Variants in DOCK7 observed in about 807,000 individuals in gnomAD.
DOCK7 encodes the protein dedicator of cytokinesis protein 7.
DOCK7 carries 138 observed loss-of-function variants against 271.0 expected under a neutral mutation model. That is an observed-to-expected ratio of 0.51 (90% CI 0.44 to 0.59). The LOEUF is 0.59. DOCK7 is among the 20% of genes least tolerant of loss of function. The pLI is 0.00. For missense variants in DOCK7, 2,066 were observed against 2,592.4 expected (o/e 0.80, Z 4.41); for synonymous variants, 823 against 876.1 (o/e 0.94, Z 1.07).
chr1:62,676,546 G>GT (rs892208929), intron 1 of DOCK7, among the ~76,000 whole-genome samples: 31 of 151,428 alleles, frequency 2.0e-4, no homozygotes, highest in African/African-American at 6.1e-4. Context: ...ATAAAGCTGG[G>GT]TTTTTTTTTC....
intron 1 of DOCK7, among the ~76,000 whole-genome samples, chr1:62,674,683 A>G (rs1660356176): frequency 6.6e-6 from 1 of 152,192 alleles, no homozygotes; most frequent in Non-Finnish European, 1.5e-5. Flanking sequence ...TTTTTTGACA[A>G]TGGTGCCAAG....
chr1:62,475,268 G>A lies in DOCK7; in HGVS notation c.6045C>T (p.Pro2015=), dbSNP rs202231787. 524 of 1,613,950 alleles carry A rather than the reference G, an allele frequency of 3.2e-4. 4 individuals carry two copies. The highest frequency in any genetic ancestry group is 2.5e-3 in the South Asian group (228 of 91,062). ...CCATCTGAAGCATTTTGGGGTCTGC[G>A]GGATCCTGATGTGTTGCAAATGCCA... ...QELAFATHQD[P]ADPKMLQMVL... Residue 2015 remains proline, a synonymous_variant, in exon 47 of 50, where the codon CCC becomes CCT. Transcript: ENST00000635253.
intron 7 of DOCK7, among the ~76,000 whole-genome samples, chr1:62,645,365 A>T (rs1413408945): frequency 6.6e-6 from 1 of 152,124 alleles, no homozygotes; most frequent in East Asian, 1.9e-4. Context: ...GGTAGTACTG[A>T]CACATGTTAC....
chr1:62,551,252 G>A (rs1045867561), intron 22 of DOCK7, among the ~76,000 whole-genome samples: 5 of 152,002 alleles, frequency 3.3e-5, no homozygotes, highest in African/African-American at 1.2e-4. Context: ...AAGATTGCAG[G>A]GGTGTCCAAT....
rs1377233150 is a variant in DOCK7, at chr1:62,653,812, T to C, written c.321-19A>G. 2.6e-6 allele frequency: 4 copies of C among 1,552,512 alleles called. No homozygotes were observed. The highest frequency in any genetic ancestry group is 4.5e-5 in the East Asian group (2 of 44,548). ...CATTTCACTATTTTAAAAAGGAAAA[T>C]ACATTTGTAATTTAGACGGGACAGC... On this transcript the variant is annotated intron_variant, in intron 3 of 49. Transcript: ENST00000635253.
intron 49 of DOCK7, among the ~76,000 whole-genome samples, chr1:62,456,575 T>C (rs1165263145): frequency 1.3e-5 from 2 of 152,114 alleles, no homozygotes; most frequent in Non-Finnish European, 2.9e-5. Context: ...TGCCTACATA[T>C]GTTAAAAACT....
At chr1:62,596,747 G>T (rs1267991059) in intron 14 of DOCK7, among the ~76,000 whole-genome samples, 1 of 152,096 alleles carries the variant, frequency 6.6e-6, no homozygotes, top group Non-Finnish European at 1.5e-5. Flanking sequence ...CAAGCTGCTT[G>T]TGACATTGAA....
intron 48 of DOCK7, among the ~76,000 whole-genome samples, chr1:62,464,312 C>T (rs1190579133): frequency 2.6e-5 from 4 of 151,384 alleles, no homozygotes; most frequent in East Asian, 2.0e-4. Context: ...CCACCCACCT[C>T]GGCCTCCCAA....
intron 1 of DOCK7, 22 bp downstream of exon 1, chr1:62,688,205 G>C (rs1382842521): frequency 1.5e-6 from 2 of 1,369,832 alleles, no homozygotes. Context: ...CGGCGGCGGC[G>C]CGCCCCACGC....
chr1:62,573,175 A>G (rs1646839697), intron 18 of DOCK7, among the ~76,000 whole-genome samples: 2 of 152,196 alleles, frequency 1.3e-5, no homozygotes. Flanking sequence ...CTACAATTTT[A>G]ATAAAGAAAA....
chr1:62,544,990 G>A lies in DOCK7; in HGVS notation c.2816C>T (p.Ala939Val). 1 of 1,549,812 alleles carries A rather than the reference G, an allele frequency of 6.5e-7. No homozygotes were observed. Among genetic ancestry groups the A allele is most frequent in the Non-Finnish European group, 8.7e-7 (1 of 1,146,472 alleles). ...SWVNTGGPKA[A>V]PWGSNPSPSA... ...TGGACTGGGGTTGGATCCCCATGGG[G>A]CAGCTTTTGGACCACCAGTGTTAAC... The change falls in exon 23 of 50, where the codon GCC (alanine) becomes GTC (valine). Residue 939 changes from alanine (A) to valine (V), a missense_variant. Ala to Val is a moderately conservative substitution (Grantham distance 64, BLOSUM62 0). This residue lies in a region of DOCK7 where 1,414 missense variants were observed against 1,670.4 expected (regional missense o/e 0.85). Coordinates refer to ENST00000635253, the MANE Select transcript of DOCK7 (RefSeq NM_001367561.1).
chr1:62,598,719 T>C (rs762640038), intron 14 of DOCK7: 17 of 1,609,852 alleles, frequency 1.1e-5, no homozygotes, highest in African/African-American at 1.3e-5. Context: ...AACAAGATAA[T>C]AGCATCAAAG....
chr1:62,504,046 C>CAAAAAAAAAAAA (rs11297853), intron 37 of DOCK7, among the ~76,000 whole-genome samples: 1 of 120,528 alleles, frequency 8.3e-6, no homozygotes, highest in African/African-American at 3.3e-5. Context: ...GACTCCGTCT[C>CAAAAAAAAAAAA]AAAAAAAAAA....
chr1:62,568,304 GA>G (rs1646594305), intron 18 of DOCK7, among the ~76,000 whole-genome samples: 2 of 151,162 alleles, frequency 1.3e-5, no homozygotes, highest in African/African-American at 4.9e-5. Flanking sequence ...AAGCTAGAAA[GA>G]TTTTTTTTTT....
intron 1 of DOCK7, among the ~76,000 whole-genome samples, 191 bp downstream of exon 1, chr1:62,688,036 G>T (rs963961071): frequency 4.0e-5 from 6 of 151,840 alleles, no homozygotes; most frequent in African/African-American, 1.4e-4. Context: ...TGAAGGCCGG[G>T]GTTCGAGGGC....
At chr1:62,508,664 T>C (rs1644386031) in intron 34 of DOCK7, among the ~76,000 whole-genome samples, 1 of 152,174 alleles carries the variant, frequency 6.6e-6, no homozygotes, top group African/African-American at 2.4e-5. Flanking sequence ...TTCACAATTG[T>C]ACACATATAT....
At chr1:62,486,301 C>CG (rs1646290853) in intron 43 of DOCK7, 4 of 152,000 alleles carry the variant, frequency 2.6e-5, no homozygotes, top group African/African-American at 9.7e-5. Context: ...GAGGAAAACT[C>CG]AGTAGTAATA....
At chr1:62,659,964 A>G (rs979053833) in intron 2 of DOCK7, among the ~76,000 whole-genome samples, 1 of 152,216 alleles carries the variant, frequency 6.6e-6, no homozygotes, top group African/African-American at 2.4e-5. Context: ...AAGAAGAAAT[A>G]AGACATATCA....
At chr1:62,582,358 G>A (rs1410774475) in intron 16 of DOCK7, among the ~76,000 whole-genome samples, 2 of 150,886 alleles carry the variant, frequency 1.3e-5, no homozygotes, top group Admixed American at 1.3e-4. Context: ...AGACCATCCC[G>A]GCTAAAACGG....
Sources: gnomAD v4.1 joint callset for allele counts (sites outside exome capture counted in the v4.1 genomes callset) on GRCh38, gnomAD v4.1.1 for gene constraint, gnomAD v4.1.1 regional missense constraint, MANE v1.5 for transcripts, NCBI Gene and HGNC (gene_info 2026-07-23, HGNC 2026-07-21) for gene names.